Variants in KCNIP1 observed in about 807,000 individuals in gnomAD.
KCNIP1 encodes the protein A-type potassium channel modulatory protein KCNIP1.
A neutral mutation model predicts 33.0 loss-of-function variants in KCNIP1; 18 were observed. The ratio of observed to expected loss-of-function variants is 0.55; its 90% confidence interval spans 0.38 to 0.81. KCNIP1 has a LOEUF of 0.81. Among genes scored for constraint, KCNIP1 ranks in the 30% least tolerant of loss-of-function variants. The probability of loss-of-function intolerance (pLI) is 0.00; values close to 1 mark genes in which losing one functional copy is unlikely to be tolerated. For missense variants in KCNIP1, 238 were observed against 271.6 expected, an observed-to-expected ratio of 0.88 and a Z score of 0.87; for synonymous variants, 93 against 98.3, an observed-to-expected ratio of 0.95 and a Z score of 0.32.
At chr5:170,485,302 TGGAA>T (rs1204727050) in intron 1 of KCNIP1, among the ~76,000 whole-genome samples, 1 of 152,206 alleles carries the variant, frequency 6.6e-6, no homozygotes, top group East Asian at 1.9e-4. Flanking sequence ...GTCTTGGGCC[TGGAA>T]GGGAGTCCCA....
intron 1 of KCNIP1, among the ~76,000 whole-genome samples, chr5:170,495,578 C>G (rs1340907452): frequency 6.6e-6 from 1 of 152,240 alleles, no homozygotes; most frequent in Non-Finnish European, 1.5e-5. Context: ...CAGTGCCAAA[C>G]AGGCCACCAA....
chr5:170,560,729 A>G (rs749939186), intron 1 of KCNIP1, among the ~76,000 whole-genome samples: 1 of 151,142 alleles, frequency 6.6e-6, no homozygotes, highest in African/African-American at 2.4e-5. Flanking sequence ...TGTCCCCTCT[A>G]TGTATGTTTG....
At chr5:170,560,723 C>G (rs1380025225) in intron 1 of KCNIP1, among the ~76,000 whole-genome samples, 4 of 152,020 alleles carry the variant, frequency 2.6e-5, no homozygotes, top group Admixed American at 2.6e-4. Context: ...TCCCTCTGTC[C>G]CCTCTATGTA....
chr5:170,671,484 C>A (rs1432284139), intron 1 of KCNIP1, among the ~76,000 whole-genome samples: 2 of 152,192 alleles, frequency 1.3e-5, no homozygotes, highest in Non-Finnish European at 2.9e-5. Context: ...GGAGGGCAGC[C>A]CTGATGAAAC....
intron 1 of KCNIP1, among the ~76,000 whole-genome samples, chr5:170,359,173 C>T (rs1217756154): frequency 6.6e-6 from 1 of 152,184 alleles, no homozygotes; most frequent in African/African-American, 2.4e-5. Flanking sequence ...AGGCCCAAAG[C>T]ACCTGCCAGA....
intron 1 of KCNIP1, among the ~76,000 whole-genome samples, chr5:170,668,412 T>C (rs1436541139): frequency 6.6e-6 from 1 of 152,222 alleles, no homozygotes; most frequent in Non-Finnish European, 1.5e-5. Flanking sequence ...TTCTGCTGTA[T>C]GACACAGGAC....
chr5:170,609,378 A>G (rs1366355514), intron 1 of KCNIP1, among the ~76,000 whole-genome samples: 1 of 152,244 alleles, frequency 6.6e-6, no homozygotes, highest in Non-Finnish European at 1.5e-5. Context: ...CAAAGGGATT[A>G]GGAAGCAGGA....
intron 1 of KCNIP1, among the ~76,000 whole-genome samples, chr5:170,506,692 A>G (rs574169605): frequency 3.0e-4 from 45 of 152,012 alleles, no homozygotes; most frequent in Non-Finnish European, 6.3e-4. Context: ...TTTATCAACA[A>G]CTCTCATTTA....
At chr5:170,367,357 GAA>G (rs1435254561) in intron 1 of KCNIP1, among the ~76,000 whole-genome samples, 1 of 47,300 alleles carries the variant, frequency 2.1e-5, no homozygotes, top group Non-Finnish European at 4.2e-5. Context: ...GAAAAAGAAA[GAA>G]AGAAAGAAAG....
chr5:170,646,371 C>T (rs555781781), intron 1 of KCNIP1, among the ~76,000 whole-genome samples: 9 of 152,148 alleles, frequency 5.9e-5, no homozygotes, highest in East Asian at 1.9e-4. Flanking sequence ...AGTCCAACAA[C>T]GTATAAAAAG....
intron 1 of KCNIP1, among the ~76,000 whole-genome samples, chr5:170,456,555 T>G (rs984864843): frequency 6.6e-6 from 1 of 151,740 alleles, no homozygotes; most frequent in Non-Finnish European, 1.5e-5. Flanking sequence ...AGCAGCAAAC[T>G]AATCCTAAAG....
At chr5:170,533,128 T>C (rs545314166) in intron 1 of KCNIP1, among the ~76,000 whole-genome samples, 1 of 152,264 alleles carries the variant, frequency 6.6e-6, no homozygotes, top group African/African-American at 2.4e-5. Flanking sequence ...TTCCCTGCTT[T>C]CTGGAGGCAG....
chr5:170,616,378 C>T (rs2113629474), intron 1 of KCNIP1, among the ~76,000 whole-genome samples: 1 of 152,290 alleles, frequency 6.6e-6, no homozygotes, highest in African/African-American at 2.4e-5. Flanking sequence ...ATCCCATCTC[C>T]GTGGAGCTTC....
intron 1 of KCNIP1, among the ~76,000 whole-genome samples, chr5:170,630,538 G>A (rs1760018986): frequency 6.6e-6 from 1 of 152,234 alleles, no homozygotes; most frequent in Non-Finnish European, 1.5e-5. Context: ...ACTTGGGGGA[G>A]GGCAGATGAA....
In KCNIP1 at chr5:170,732,322, C is replaced by G. The variant is rs181705343; in HGVS notation, c.436-478C>G. ...AATAGGTTTGGAGTGGACTTGAGAA[C>G]TGATCTTTTTAATAAGGGCCTCAGT... On this transcript the variant is annotated intron_variant, in intron 5 of 7. Transcript: ENST00000328939. Among the ~76,000 whole-genome samples the G allele has an allele frequency of 3.3e-3, 510 of 152,248 alleles. 3 individuals carry two copies. The highest frequency in any genetic ancestry group is 0.012 in the African/African-American group (488 of 41,546).
intron 1 of KCNIP1, among the ~76,000 whole-genome samples, chr5:170,498,697 AAATG>A (rs1757355872): frequency 1.3e-5 from 2 of 152,244 alleles, no homozygotes; most frequent in Admixed American, 1.3e-4. Context: ...TTCATTGAAT[AAATG>A]AATGAATGAA....
chr5:170,657,483 C>T (rs1029660775), intron 1 of KCNIP1, among the ~76,000 whole-genome samples: 3 of 152,174 alleles, frequency 2.0e-5, no homozygotes, highest in Admixed American at 6.5e-5. Flanking sequence ...TGCTGGCTGC[C>T]TTGATGGGCC....
intron 1 of KCNIP1, among the ~76,000 whole-genome samples, chr5:170,614,499 A>G (rs1029585689): frequency 3.3e-5 from 5 of 152,222 alleles, no homozygotes; most frequent in African/African-American, 1.2e-4. Context: ...CAACCATGAA[A>G]TTTTAATACC....
At chr5:170,590,211 C>G (rs1418346995) in intron 1 of KCNIP1, among the ~76,000 whole-genome samples, 1 of 152,024 alleles carries the variant, frequency 6.6e-6, no homozygotes, top group African/African-American at 2.4e-5. Flanking sequence ...TTCCCAGGAC[C>G]TACCCTCAGA....
Sources: gnomAD v4.1 joint callset for allele counts (sites outside exome capture counted in the v4.1 genomes callset) on GRCh38, gnomAD v4.1.1 for gene constraint, MANE v1.5 for transcripts, NCBI Gene and HGNC (gene_info 2026-07-23, HGNC 2026-07-21) for gene names.